PCDH15: variants seen among roughly 807,000 people sequenced by gnomAD.
PCDH15 encodes protocadherin related 15.
Under a neutral mutation model 178.5 loss-of-function variants are expected in PCDH15, and 129 were observed. The observed-to-expected ratio is 0.72, with a 90% CI of 0.63 to 0.84. PCDH15 has a LOEUF of 0.84. Among genes scored for constraint, PCDH15 ranks in the 40% least tolerant of loss-of-function variants. The pLI, the probability that PCDH15 is intolerant of heterozygous loss-of-function variation, is 0.00. For synonymous variants in PCDH15, 800 were observed against 732.0 expected, an observed-to-expected ratio of 1.09 and a Z score of -1.50; for missense variants, 2,230 against 2,099.9, an observed-to-expected ratio of 1.06 and a Z score of -1.21.
At chr10:55,315,033 G>A (rs1021974225) in intron 1 of PCDH15, among the ~76,000 whole-genome samples, 4 of 152,026 alleles carry the variant, frequency 2.6e-5, no homozygotes, top group African/African-American at 9.7e-5. Flanking sequence ...TATAAACACA[G>A]AAGATATAGT....
chr10:54,066,767 C>T lies in PCDH15; in HGVS notation c.2210G>A (p.Gly737Asp), dbSNP rs902984656. Residue 737 changes from glycine (G) to aspartate (D), a missense_variant, in exon 18 of 38, where the codon GGT (glycine) becomes GAT (aspartate). Gly to Asp is a moderately conservative substitution (Grantham distance 94). Transcript: ENST00000644397. The part of the protein sequence containing the change: ...VVEEEANAFV[G>D]QVKATDPDAG... ...AAATATTCCACTTACTTTTACTTGACCCACAAAGGCATTGGCTTCTTCTTC... is the reference window on the plus strand; with the variant it reads ...AAATATTCCACTTACTTTTACTTGATCCACAAAGGCATTGGCTTCTTCTTC... 2 of 1,613,100 alleles carry T rather than the reference C, an allele frequency of 1.2e-6. No individual in the cohort carries two copies. Among genetic ancestry groups the T allele is most frequent in the African/African-American group, 1.3e-5 (1 of 74,884 alleles).
chr10:55,369,801 T>C (rs910677666), intron 2 of PCDH15, among the ~76,000 whole-genome samples: 2 of 151,980 alleles, frequency 1.3e-5, no homozygotes, highest in Non-Finnish European at 2.9e-5. Context: ...GGTCAGCCAA[T>C]TGTGTACAAT....
At chr10:55,043,702 C>A (rs190547933) in intron 2 of PCDH15, among the ~76,000 whole-genome samples, 1 of 148,492 alleles carries the variant, frequency 6.7e-6, no homozygotes, top group Non-Finnish European at 1.5e-5. Flanking sequence ...AAAGTGAGAT[C>A]CTGTCTAAAT....
intron 2 of PCDH15, among the ~76,000 whole-genome samples, chr10:54,617,979 A>G (rs2093232870): frequency 6.6e-6 from 1 of 151,828 alleles, no homozygotes; most frequent in Non-Finnish European, 1.5e-5. Flanking sequence ...AGGAGGATAT[A>G]GAATGGAATA....
chr10:54,127,555 A>C (rs2042086520), intron 15 of PCDH15, among the ~76,000 whole-genome samples: 1 of 152,212 alleles, frequency 6.6e-6, no homozygotes, highest in Non-Finnish European at 1.5e-5. Context: ...TAATGTAGGA[A>C]AATATCCAAT....
intron 13 of PCDH15, among the ~76,000 whole-genome samples, chr10:54,166,111 T>A (rs1310554798): frequency 6.6e-6 from 1 of 152,256 alleles, no homozygotes; most frequent in Non-Finnish European, 1.5e-5. Flanking sequence ...GTATCTTTAA[T>A]GCCTCATGAA....
intron 3 of PCDH15, among the ~76,000 whole-genome samples, chr10:54,504,657 G>A (rs1193226539): frequency 6.6e-6 from 1 of 152,114 alleles, no homozygotes; most frequent in Non-Finnish European, 1.5e-5. Flanking sequence ...TAAGGACCAA[G>A]TTCTGGTTCT....
intron 1 of PCDH15, among the ~76,000 whole-genome samples, chr10:54,743,928 CCTCTT>C (rs1283613024): frequency 3.3e-5 from 5 of 152,034 alleles, no homozygotes; most frequent in South Asian, 2.1e-4. Flanking sequence ...TTTCAGTGAT[CCTCTT>C]CTCTTAATAT....
intron 1 of PCDH15, among the ~76,000 whole-genome samples, chr10:55,299,681 AAAG>A (rs1359933293): frequency 6.6e-6 from 1 of 152,178 alleles, no homozygotes; most frequent in Non-Finnish European, 1.5e-5. Flanking sequence ...TGACAGACAT[AAAG>A]AAGACCTTGA....
intron 35 of PCDH15, among the ~76,000 whole-genome samples, chr10:53,813,953 G>A (rs2075970125): frequency 6.6e-6 from 1 of 152,114 alleles, no homozygotes; most frequent in African/African-American, 2.4e-5. Context: ...ATGGGCGTAG[G>A]TTTTATTTCA....
chr10:55,599,214 G>A (rs1307819566), intron 2 of PCDH15: 2 of 152,152 alleles, frequency 1.3e-5, no homozygotes, highest in African/African-American at 4.8e-5. Flanking sequence ...AGCTAGAAGA[G>A]TACACTCATT....
At chr10:55,080,538 G>T (rs925863499) in intron 2 of PCDH15, among the ~76,000 whole-genome samples, 12 of 152,134 alleles carry the variant, frequency 7.9e-5, no homozygotes, top group African/African-American at 2.4e-4. Flanking sequence ...TCCAAATAAG[G>T]TGCCATCTGG....
At chr10:54,544,062 G>A (rs1022257122) in intron 2 of PCDH15, among the ~76,000 whole-genome samples, 1 of 152,020 alleles carries the variant, frequency 6.6e-6, no homozygotes, top group Non-Finnish European at 1.5e-5. Flanking sequence ...TTTCTATTTT[G>A]ACTTCAACAA....
At chr10:54,040,541 C>A (rs2093519749) in intron 18 of PCDH15, among the ~76,000 whole-genome samples, 2 of 151,954 alleles carry the variant, frequency 1.3e-5, no homozygotes, top group Admixed American at 1.3e-4. Flanking sequence ...TGAAAATGGG[C>A]TAATACATCT....
chr10:54,174,956 T>C (rs1315468747), intron 13 of PCDH15, among the ~76,000 whole-genome samples: 2 of 152,186 alleles, frequency 1.3e-5, no homozygotes. Context: ...TGTTGGTGTA[T>C]ATATTTCAAT....
At chr10:54,494,484 C>G (rs1358219412) in intron 3 of PCDH15, among the ~76,000 whole-genome samples, 1 of 152,110 alleles carries the variant, frequency 6.6e-6, no homozygotes, top group African/African-American at 2.4e-5. Context: ...AAGTTTCTCT[C>G]TTTCTGCCAC....
At chr10:54,102,914 C>T (rs971950021) in intron 15 of PCDH15, among the ~76,000 whole-genome samples, 3 of 152,188 alleles carry the variant, frequency 2.0e-5, no homozygotes, top group East Asian at 1.9e-4. Context: ...CAAGAATCAA[C>T]GTCAGCTCAG....
chr10:54,144,183 C>T (rs1385056411), intron 14 of PCDH15, among the ~76,000 whole-genome samples: 1 of 152,042 alleles, frequency 6.6e-6, no homozygotes, highest in African/African-American at 2.4e-5. Context: ...TAGTATGACG[C>T]TGCCCACGAT....
At position 54,453,597 on chromosome 10, in the gene PCDH15, A is replaced by G. The variant is rs185476571; in HGVS notation, c.157+74215T>C. On this transcript the variant is annotated intron_variant, in intron 3 of 37. Transcript: ENST00000644397. ...TGCAGCACACCAACATGGCACATGT[A>G]TACATATGTAACAAACCTGTACGTT... Among the ~76,000 whole-genome samples, 213 of 152,192 alleles carry G rather than the reference A, an allele frequency of 1.4e-3. 7 individuals carry two copies. Among genetic ancestry groups the G allele is most frequent in the Admixed American group, 0.014 (211 of 15,256 alleles).
Sources: allele counts gnomAD v4.1 joint callset (sites outside exome capture counted in the v4.1 genomes callset), GRCh38; gene constraint gnomAD v4.1.1; transcripts MANE v1.5; gene names NCBI Gene and HGNC (gene_info 2026-07-23, HGNC 2026-07-21).